Variants in HLF observed in about 807,000 individuals in gnomAD.
The protein encoded by HLF is HLF transcription factor, PAR bZIP family member.
Under a neutral mutation model 22.6 loss-of-function variants are expected in HLF, and 3 were observed. The observed-to-expected ratio is 0.13, with a 90% CI of 0.06 to 0.34. The LOEUF is 0.34. Among genes scored for constraint, HLF ranks in the 10% least tolerant of loss-of-function variants. HLF has a pLI of 1.00. For missense variants in HLF, 299 were observed against 389.2 expected (o/e 0.77, Z 1.95); for synonymous variants, 151 against 151.8 (o/e 0.99, Z 0.04).
Position 55,321,095 on chromosome 17 carries a change from T to C in HLF, c.*216T>C. The C allele has an allele frequency of 1.9e-6, 1 of 523,214 alleles. No individual in the cohort carries two copies. Among genetic ancestry groups the C allele is most frequent in the Non-Finnish European group, 3.4e-6 (1 of 290,970 alleles). The allele number at this position is 523,214 out of a possible 1,614,324, so 32.4% of individuals were successfully genotyped here. Reference sequence around the variant, plus strand: ...TATGTGCGTGTGCGTGTTCCTTTGCTCTTGCCATTTTAAGGTAGCCCTCTC... The same window carrying C: ...TATGTGCGTGTGCGTGTTCCTTTGCCCTTGCCATTTTAAGGTAGCCCTCTC... On this transcript the variant is annotated 3_prime_UTR_variant, in exon 4 of 4. Coordinates refer to ENST00000226067, the MANE Select transcript of HLF (RefSeq NM_002126.5).
At chr17:55,275,797 T>A (rs201457830) in intron 2 of HLF, among the ~76,000 whole-genome samples, 1 of 152,244 alleles carries the variant, frequency 6.6e-6, no homozygotes, top group Non-Finnish European at 1.5e-5. Context: ...GCCTTTACCA[T>A]AAGTCAGTTC....
At chr17:55,317,009 C>T (rs1829442981) in intron 3 of HLF, among the ~76,000 whole-genome samples, 1 of 144,798 alleles carries the variant, frequency 6.9e-6, no homozygotes, top group South Asian at 2.2e-4. Context: ...ACTCTGTTGC[C>T]CAGGCTGGAG....
At position 55,267,888 on chromosome 17, in the gene HLF, T is replaced by C; in HGVS notation, c.253T>C (p.Tyr85His). The change falls in exon 2 of 4, where the codon TAC (tyrosine) becomes CAC (histidine). Residue 85 changes from tyrosine to histidine, a missense_variant. Around this residue, in one of 3 missense-constraint regions of HLF, gnomAD observed 224 missense variants for 298.1 expected, o/e 0.75. Coordinates refer to ENST00000226067, the MANE Select transcript of HLF (RefSeq NM_002126.5). ...TGACGGAGATACTTTCCAGTTGGAA[T>C]ACATGGACCTGGAGGAGTTTTTGTC... ...PYDGDTFQLEYMDLEEFLSEN... is the reference protein window; with the variant it reads ...PYDGDTFQLEHMDLEEFLSEN... 1.2e-6 allele frequency: 2 copies of C among 1,614,138 alleles called. No homozygotes were observed. Among genetic ancestry groups the C allele is most frequent in the Non-Finnish European group, 1.7e-6 (2 of 1,180,020 alleles).
chr17:55,304,153 G>C (rs1185654478), intron 2 of HLF, among the ~76,000 whole-genome samples: 2 of 152,122 alleles, frequency 1.3e-5, no homozygotes, highest in Non-Finnish European at 2.9e-5. Context: ...TGGTACTCTG[G>C]GTTCATTTCT....
intron 2 of HLF, among the ~76,000 whole-genome samples, chr17:55,278,947 A>C (rs1204792496): frequency 6.6e-6 from 1 of 152,242 alleles, no homozygotes; most frequent in African/African-American, 2.4e-5. Context: ...GTAAAGATGG[A>C]AATAAAGCCT....
chr17:55,314,902 G>T (rs1391025212), intron 2 of HLF, among the ~76,000 whole-genome samples: 1 of 152,186 alleles, frequency 6.6e-6, no homozygotes, highest in Non-Finnish European at 1.5e-5. Flanking sequence ...AAATTACGTA[G>T]TTCTGTTCAT....
chr17:55,302,701 T>C (rs925965487), intron 2 of HLF, among the ~76,000 whole-genome samples: 4 of 152,230 alleles, frequency 2.6e-5, no homozygotes, highest in Admixed American at 6.5e-5. Flanking sequence ...ATGGCAGCTC[T>C]TTGAAAACTG....
intron 2 of HLF, chr17:55,271,697 T>C (rs2080860586): frequency 6.6e-6 from 1 of 152,024 alleles, no homozygotes; most frequent in African/African-American, 2.4e-5. Flanking sequence ...GCCCGGCTAA[T>C]TTTTGTATTT....
At chr17:55,294,838 T>A (rs2145337936) in intron 2 of HLF, among the ~76,000 whole-genome samples, 1 of 152,326 alleles carries the variant, frequency 6.6e-6, no homozygotes, top group East Asian at 1.9e-4. Flanking sequence ...TCCTCCCTTT[T>A]AAAAAGCATT....
In HLF at chr17:55,313,404, TAAAGC is replaced by T. The variant is rs542565294; in HGVS notation, c.452-1820_452-1816del. Among the ~76,000 whole-genome samples the T allele has an allele frequency of 2.4e-3, 360 of 150,408 alleles. 1 individual carries two copies. The highest frequency in any genetic ancestry group is 8.5e-3 in the African/African-American group (349 of 40,970). ...TGTGTGTGTGTACAGCTTAAGAACA[TAAAGC>T]AATAAAGGAGAACATTTTGATACAG... is the stretch of plus-strand genomic sequence containing the variant. On this transcript the variant is annotated intron_variant, in intron 2 of 3. Transcript: ENST00000226067.
intron 2 of HLF, among the ~76,000 whole-genome samples, chr17:55,312,961 A>C (rs1904899145): frequency 6.6e-6 from 1 of 152,220 alleles, no homozygotes; most frequent in African/African-American, 2.4e-5. Context: ...AGAAAATATA[A>C]ATATATAAGA....
intron 3 of HLF, among the ~76,000 whole-genome samples, chr17:55,316,841 A>G (rs1018326226): frequency 2.6e-5 from 4 of 152,042 alleles, no homozygotes; most frequent in African/African-American, 9.7e-5. Context: ...CAGGACATTG[A>G]TGGTTAGACT....
rs1329294640 is a variant in HLF, at chr17:55,295,671, C to T, written c.452-19556C>T. On this transcript the variant is annotated intron_variant, in intron 2 of 3. Coordinates refer to ENST00000226067, the MANE Select transcript of HLF (RefSeq NM_002126.5). ...GTGTTAGTGGGAGGGCAGGCAAACT[C>T]GTGGTACTTGCCCTGGGCTGCCCTA... Among the ~76,000 whole-genome samples, 9 of 152,340 alleles carry T rather than the reference C, an allele frequency of 5.9e-5. No individual in the cohort carries two copies. In the East Asian group the frequency reaches 9.6e-4, roughly 16 times the overall value.
chr17:55,288,329 G>A (rs368322605), intron 2 of HLF, among the ~76,000 whole-genome samples: 2 of 151,944 alleles, frequency 1.3e-5, no homozygotes, highest in African/African-American at 4.8e-5. Context: ...TGTATTTTTA[G>A]TAGAGAGGGA....
At chr17:55,289,737 G>C (rs550691380) in intron 2 of HLF, among the ~76,000 whole-genome samples, 48 of 152,182 alleles carry the variant, frequency 3.2e-4, no homozygotes, top group Middle Eastern at 6.8e-3. Flanking sequence ...ATTCATATGT[G>C]AATCTAGACA....
chr17:55,269,359 T>C (rs4517852), intron 2 of HLF, among the ~76,000 whole-genome samples: 105,996 of 151,948 alleles, frequency 0.7, 37,061 homozygotes, highest in African/African-American at 0.73. Context: ...TGGGAAAACA[T>C]GCCTTTATGT....
Position 55,322,707 on chromosome 17 carries a change from T to A in HLF, c.*1828T>A, listed in dbSNP as rs1905302731. On this transcript the variant is annotated 3_prime_UTR_variant, in exon 4 of 4. Coordinates refer to ENST00000226067, the MANE Select transcript of HLF (RefSeq NM_002126.5). ...AAATATTTATTGGATGATACAGTGT[T>A]TTTTAGGAAAAGCATCTGCCACAAA... is the stretch of plus-strand genomic sequence containing the variant. The A allele has an allele frequency of 1.4e-5, 3 of 220,044 alleles. No individual in the cohort carries two copies. In the East Asian group the frequency reaches 2.0e-4, roughly 15 times the overall value. 13.6% of individuals were successfully genotyped at this position (220,044 alleles called of 1,614,324 possible).
rs2080814073 is a variant in HLF at position 55,268,172 on chromosome 17, C to T, written c.451+86C>T. ...GGTAGAGTTAGCATAAACATCTTAA[C>T]ACTCAGGTTTTAGCAAAGATCCTAA... On this transcript the variant is annotated intron_variant, in intron 2 of 3. Coordinates refer to ENST00000226067, the MANE Select transcript of HLF (RefSeq NM_002126.5). The T allele has an allele frequency of 3.0e-6, 3 of 987,226 alleles. No individual in the cohort carries two copies. In the African/African-American group the frequency reaches 4.9e-5, roughly 16 times the overall value. 61.2% of individuals were successfully genotyped at this position (987,226 alleles called of 1,614,324 possible).
intron 2 of HLF, among the ~76,000 whole-genome samples, chr17:55,298,652 C>T (rs145103274): frequency 2.0e-4 from 31 of 152,258 alleles, no homozygotes; most frequent in African/African-American, 7.0e-4. Context: ...GACTGTAAAG[C>T]AAGGCTGAAT....
Sources: allele counts gnomAD v4.1 joint callset (sites outside exome capture counted in the v4.1 genomes callset), GRCh38; gene constraint gnomAD v4.1.1; regional missense constraint gnomAD v4.1.1; transcripts MANE v1.5; gene names NCBI Gene and HGNC (gene_info 2026-07-23, HGNC 2026-07-21).